The following ATP8B4 variants were observed in gnomAD, a reference collection of about 807,000 sequenced individuals.
The protein encoded by ATP8B4 is probable phospholipid-transporting ATPase IM.
ATP8B4 carries 133 observed loss-of-function variants against 145.6 expected under a neutral mutation model. The observed-to-expected ratio is 0.91, with a 90% CI of 0.79 to 1.05. The LOEUF (loss-of-function observed/expected upper bound fraction) is 1.05. Ranked by LOEUF, ATP8B4 falls within the 50% of genes least tolerant of loss-of-function variation. The pLI is 0.00. For missense variants in ATP8B4, 1,458 were observed against 1,425.2 expected (o/e 1.02, Z -0.37); for synonymous variants, 507 against 492.9 (o/e 1.03, Z -0.38).
intron 1 of ATP8B4, among the ~76,000 whole-genome samples, chr15:50,181,200 G>T (rs945597170): frequency 6.6e-6 from 1 of 152,088 alleles, no homozygotes; most frequent in Non-Finnish European, 1.5e-5. Flanking sequence ...TGTATTTATC[G>T]TATCAAATTA....
chr15:49,968,296 G>A (rs1285537832), intron 13 of ATP8B4, among the ~76,000 whole-genome samples: 2 of 152,134 alleles, frequency 1.3e-5, no homozygotes, highest in Non-Finnish European at 2.9e-5. Flanking sequence ...AAATGTAAAT[G>A]GGCTAAATGC....
chr15:49,991,188 T>A (rs1482442415), intron 9 of ATP8B4, among the ~76,000 whole-genome samples: 1 of 150,142 alleles, frequency 6.7e-6, no homozygotes, highest in East Asian at 1.9e-4. Context: ...AACCAAGCTA[T>A]TTTTTTTAAC....
chr15:50,074,631 TAGAACCAA>T (rs1329091863), intron 2 of ATP8B4, among the ~76,000 whole-genome samples: 2 of 152,198 alleles, frequency 1.3e-5, no homozygotes, highest in Non-Finnish European at 2.9e-5. Flanking sequence ...CTTATGGTCT[TAGAACCAA>T]AGGTGATATC....
chr15:49,871,262 C>G (rs569931569), intron 25 of ATP8B4, among the ~76,000 whole-genome samples: 1 of 152,188 alleles, frequency 6.6e-6, no homozygotes, highest in Non-Finnish European at 1.5e-5. Context: ...GTATATGGCA[C>G]AGTATCCAGT....
intron 6 of ATP8B4, among the ~76,000 whole-genome samples, chr15:50,035,040 A>G (rs1054911240): frequency 6.6e-6 from 1 of 152,232 alleles, no homozygotes; most frequent in Non-Finnish European, 1.5e-5. Flanking sequence ...AAAGTCATCA[A>G]AAGATTTTAC....
intron 26 of ATP8B4, among the ~76,000 whole-genome samples, chr15:49,864,881 C>T (rs369348649): frequency 8.0e-4 from 121 of 152,166 alleles, no homozygotes; most frequent in African/African-American, 2.6e-3. Flanking sequence ...TATTAATATC[C>T]TCAGTTTATA....
Position 50,148,021 on chromosome 15 carries a change from TCTA to T in ATP8B4, c.-43+34237_-43+34239del, listed in dbSNP as rs1222255566. On this transcript the variant is annotated intron_variant, in intron 1 of 3. Coordinates refer to the ATP8B4 transcript ENST00000558829. ...TCCAATGCATCTAGCAGTTAGCATT[TCTA>T]CTAAGTGATCCAACTTAATACGAGC... is the stretch of plus-strand genomic sequence containing the variant. Among the ~76,000 whole-genome samples the T allele has an allele frequency of 2.0e-5, 3 of 152,210 alleles. No individual in the cohort carries two copies. The East Asian group carries it at 5.8e-4, about 29-fold the overall frequency.
chr15:50,018,135 G>A (rs1004230417), intron 6 of ATP8B4, among the ~76,000 whole-genome samples: 9 of 151,920 alleles, frequency 5.9e-5, no homozygotes, highest in African/African-American at 2.2e-4. Context: ...TTACAGACAT[G>A]CATCACCACA....
intron 5 of ATP8B4, among the ~76,000 whole-genome samples, chr15:50,042,573 T>C (rs1454248570): frequency 6.6e-6 from 1 of 152,228 alleles, no homozygotes; most frequent in Non-Finnish European, 1.5e-5. Flanking sequence ...GCACTTTGGT[T>C]CTTTTAAATT....
chr15:49,877,766 T>G (rs548152406), intron 24 of ATP8B4, among the ~76,000 whole-genome samples: 1 of 152,310 alleles, frequency 6.6e-6, no homozygotes, highest in East Asian at 1.9e-4. Context: ...TAAACCAGTA[T>G]GTAAAGTATT....
intron 19 of ATP8B4, among the ~76,000 whole-genome samples, chr15:49,917,703 T>C (rs1326740465): frequency 2.6e-5 from 4 of 152,210 alleles, no homozygotes; most frequent in Non-Finnish European, 5.9e-5. Flanking sequence ...TAACTCCTTC[T>C]ATCTAATAGA....
At chr15:49,991,650 T>A (rs1261211324) in intron 9 of ATP8B4, among the ~76,000 whole-genome samples, 1 of 152,170 alleles carries the variant, frequency 6.6e-6, no homozygotes, top group Non-Finnish European at 1.5e-5. Context: ...TTTTCTGATG[T>A]TTGAAATGTA....
intron 1 of ATP8B4, among the ~76,000 whole-genome samples, chr15:50,139,377 G>C (rs2044177436): frequency 6.6e-6 from 1 of 152,062 alleles, no homozygotes; most frequent in African/African-American, 2.4e-5. Context: ...ATAAGTGGGA[G>C]TTGAAAAAGG....
At chr15:49,934,286 G>T in intron 14 of ATP8B4, 104 bp from the exon 15 acceptor site, 1 of 1,312,652 alleles carries the variant, frequency 7.6e-7, no homozygotes, top group Non-Finnish European at 1.0e-6. Flanking sequence ...GTATTATTTT[G>T]CAGCCTCAAA....
chr15:49,897,806 C>T (rs987274416), intron 22 of ATP8B4, among the ~76,000 whole-genome samples: 10 of 152,212 alleles, frequency 6.6e-5, no homozygotes, highest in African/African-American at 2.4e-4. Flanking sequence ...TCCTCTACAC[C>T]GTAGCTACTT....
chr15:50,046,840 G>T (rs537703895), intron 4 of ATP8B4, among the ~76,000 whole-genome samples: 47 of 152,246 alleles, frequency 3.1e-4, no homozygotes, highest in Non-Finnish European at 3.7e-4. Flanking sequence ...AAAAGCAAAG[G>T]TTACTAAATA....
At chr15:49,957,308 T>C (rs1474121884) in intron 14 of ATP8B4, among the ~76,000 whole-genome samples, 1 of 151,878 alleles carries the variant, frequency 6.6e-6, no homozygotes, top group Non-Finnish European at 1.5e-5. Context: ...GAGTATACAG[T>C]ACAGAAACAA....
At chr15:50,170,195 T>C (rs1273112862) in intron 1 of ATP8B4, among the ~76,000 whole-genome samples, 1 of 152,078 alleles carries the variant, frequency 6.6e-6, no homozygotes, top group East Asian at 1.9e-4. Flanking sequence ...GGGAAATTCA[T>C]CACAAAAAGA....
At chr15:49,893,751 C>T (rs193271407) in intron 23 of ATP8B4, among the ~76,000 whole-genome samples, 1 of 152,074 alleles carries the variant, frequency 6.6e-6, no homozygotes, top group Non-Finnish European at 1.5e-5. Flanking sequence ...TTAGCACTAC[C>T]GAACTCTACA....
Sources: gnomAD v4.1 joint callset for allele counts (sites outside exome capture counted in the v4.1 genomes callset) on GRCh38, gnomAD v4.1.1 for gene constraint, MANE v1.5 for transcripts, NCBI Gene and HGNC (gene_info 2026-07-23, HGNC 2026-07-21) for gene names.